ZBTB20: variants seen among roughly 807,000 people sequenced by gnomAD.
ZBTB20 encodes the protein zinc finger and BTB domain-containing protein 20.
ZBTB20 carries 9 observed loss-of-function variants against 56.9 expected under a neutral mutation model. The observed-to-expected ratio is 0.16, with a 90% confidence interval of 0.10 to 0.28. The LOEUF (loss-of-function observed/expected upper bound fraction) is 0.28. Ranked by LOEUF, ZBTB20 falls within the 10% of genes least tolerant of loss-of-function variation. ZBTB20 has a pLI of 1.00. For missense variants in ZBTB20, 655 were observed against 1,003.0 expected (o/e 0.65, Z 4.69); for synonymous variants, 417 against 420.7 (o/e 0.99, Z 0.11).
At chr3:114,898,699 C>T (rs1011710719) in intron 4 of ZBTB20, among the ~76,000 whole-genome samples, 1 of 152,114 alleles carries the variant, frequency 6.6e-6, no homozygotes, top group South Asian at 2.1e-4. Flanking sequence ...GTGTTTCCTA[C>T]TTCCAAAGAG....
At chr3:114,343,313 A>AT (rs909188691) in intron 11 of ZBTB20, among the ~76,000 whole-genome samples, 50 of 152,184 alleles carry the variant, frequency 3.3e-4, no homozygotes, top group Admixed American at 1.1e-3. Context: ...TATTCTACTG[A>AT]TTTTTTTCCC....
At chr3:114,733,880 A>C (rs2065939242) in intron 5 of ZBTB20, among the ~76,000 whole-genome samples, 1 of 152,144 alleles carries the variant, frequency 6.6e-6, no homozygotes, top group African/African-American at 2.4e-5. Flanking sequence ...GTCTATGTAC[A>C]ATACGGAATT....
chr3:115,145,853 TTTA>T (rs1215771174), intron 1 of ZBTB20, among the ~76,000 whole-genome samples: 11 of 152,322 alleles, frequency 7.2e-5, no homozygotes, highest in African/African-American at 2.4e-4. Flanking sequence ...GTAATTGTGT[TTTA>T]AAACTTTCAA....
intron 6 of ZBTB20, among the ~76,000 whole-genome samples, chr3:114,550,049 T>TGCCTCA (rs1404795932): frequency 1.3e-5 from 2 of 152,164 alleles, no homozygotes; most frequent in Non-Finnish European, 2.9e-5. Flanking sequence ...GCCATTCTCC[T>TGCCTCA]GCCTCAGCCT....
chr3:114,844,538 A>AAAAAC (rs1458746546), intron 4 of ZBTB20, among the ~76,000 whole-genome samples: 4 of 137,870 alleles, frequency 2.9e-5, no homozygotes, highest in African/African-American at 5.3e-5. Flanking sequence ...AAAAAAAAAA[A>AAAAAC]AAAAAAAAAA....
intron 3 of ZBTB20, among the ~76,000 whole-genome samples, chr3:114,962,111 C>G (rs981019189): frequency 3.3e-5 from 5 of 152,074 alleles, no homozygotes; most frequent in Non-Finnish European, 7.4e-5. Flanking sequence ...TCCACTTCCA[C>G]TACAAAAATG....
intron 11 of ZBTB20, among the ~76,000 whole-genome samples, chr3:114,340,021 C>T (rs1367698677): frequency 6.6e-6 from 1 of 152,160 alleles, no homozygotes; most frequent in Non-Finnish European, 1.5e-5. Context: ...GCTATACTTT[C>T]AAGTTTATCT....
At chr3:114,640,409 G>A (rs543792978) in intron 6 of ZBTB20, among the ~76,000 whole-genome samples, 4 of 152,164 alleles carry the variant, frequency 2.6e-5, no homozygotes, top group South Asian at 2.1e-4. Flanking sequence ...TGCTTATAGC[G>A]CTTAAGAACC....
chr3:114,631,382 C>CTTTTTA (rs2058933718), intron 6 of ZBTB20, among the ~76,000 whole-genome samples: 1 of 49,810 alleles, frequency 2.0e-5, no homozygotes, highest in Non-Finnish European at 3.4e-5. Context: ...ATAGGTTATT[C>CTTTTTA]TTTTTTTTTT....
intron 7 of ZBTB20, among the ~76,000 whole-genome samples, chr3:114,461,684 G>C (rs923218732): frequency 6.6e-6 from 1 of 152,206 alleles, no homozygotes; most frequent in African/African-American, 2.4e-5. Context: ...ATAGGATAGT[G>C]CTCCTAAAAG....
chr3:114,571,975 T>C (rs1039371399), intron 6 of ZBTB20, among the ~76,000 whole-genome samples: 6 of 152,178 alleles, frequency 3.9e-5, no homozygotes, highest in Non-Finnish European at 7.4e-5. Context: ...CAACTACTTG[T>C]CCTGGGAGGC....
chr3:114,769,832 G>A (rs137971448), intron 5 of ZBTB20, among the ~76,000 whole-genome samples: 9,017 of 152,054 alleles, frequency 0.059, 296 homozygotes, highest in Middle Eastern at 0.13. Context: ...GACGAGGTGG[G>A]TGGATCACTT....
At position 114,925,224 on chromosome 3, in the gene ZBTB20, C is replaced by T. The variant is rs531288703; in HGVS notation, c.-455-24882G>A. 5.3e-5 allele frequency among the ~76,000 whole-genome samples: 8 copies of T among 151,792 alleles called. No homozygotes were observed. The South Asian group carries it at 6.3e-4, about 12-fold the overall frequency. On this transcript the variant is annotated intron_variant, in intron 3 of 11. Coordinates refer to ENST00000675478, the MANE Select transcript of ZBTB20 (RefSeq NM_001348800.3). ...GTCTCGATCTCTTGACCCTGTGATC[C>T]GCCCCCTCAGCCTCCCAAAGTGCTG...
At chr3:114,943,237 C>A (rs1191576388) in intron 3 of ZBTB20, among the ~76,000 whole-genome samples, 1 of 145,260 alleles carries the variant, frequency 6.9e-6, no homozygotes, top group Non-Finnish European at 1.5e-5. Flanking sequence ...TTGTCTTAAT[C>A]CCTGATAAGA....
At chr3:115,124,205 T>C (rs2084260420) in intron 1 of ZBTB20, among the ~76,000 whole-genome samples, 1 of 152,208 alleles carries the variant, frequency 6.6e-6, no homozygotes, top group African/African-American at 2.4e-5. Context: ...ATAGTATATG[T>C]TTTATGCTTT....
At position 114,539,752 on chromosome 3, in the gene ZBTB20, C is replaced by A. The variant is rs145746589; in HGVS notation, c.-294-39361G>T. ...CTATACCCACCCTTCCAGTTCCCCA[C>A]TGCCCTCATTAGACTCTGAGCTGCT... is the stretch of plus-strand genomic sequence containing the variant. On this transcript the variant is annotated intron_variant, in intron 6 of 11. Coordinates refer to ENST00000675478, the MANE Select transcript of ZBTB20 (RefSeq NM_001348800.3). 5.3e-5 allele frequency among the ~76,000 whole-genome samples: 8 copies of A among 152,198 alleles called. No homozygotes were observed. In the East Asian group the frequency reaches 1.5e-3, roughly 29 times the overall value.
At chr3:114,734,926 TTGGGATG>T in intron 5 of ZBTB20, among the ~76,000 whole-genome samples, 1 of 151,966 alleles carries the variant, frequency 6.6e-6, no homozygotes, top group East Asian at 1.9e-4. Context: ...ACGCACATCT[TTGGGATG>T]TGGGAGAAAA....
intron 1 of ZBTB20, among the ~76,000 whole-genome samples, chr3:115,143,949 TCTC>T (rs1215797595): frequency 6.6e-6 from 1 of 152,124 alleles, no homozygotes; most frequent in Non-Finnish European, 1.5e-5. Context: ...CATTAAAAAA[TCTC>T]CTCCCCTAAC....
At position 114,930,790 on chromosome 3, in the gene ZBTB20, AG is replaced by A. The variant is rs1473732309; in HGVS notation, c.-455-30449del. 14 of 297,364 alleles carry A rather than the reference AG, an allele frequency of 4.7e-5. No individual in the cohort carries two copies. The East Asian group carries it at 1.2e-3, about 26-fold the overall frequency. The allele number at this position is 297,364 out of a possible 1,614,324, so 18.4% of individuals were successfully genotyped here. Reference sequence around the variant, plus strand: ...GAATACCATACAGAAGAGTAACCCCAGGAAGTACCTTAGCAGTGTAGGACAC... The same window carrying A: ...GAATACCATACAGAAGAGTAACCCCAGAAGTACCTTAGCAGTGTAGGACAC... On this transcript the variant is annotated intron_variant, in intron 3 of 11. Transcript: ENST00000675478.
Sources: gnomAD v4.1 joint callset for allele counts (sites outside exome capture counted in the v4.1 genomes callset) on GRCh38, gnomAD v4.1.1 for gene constraint, MANE v1.5 for transcripts, NCBI Gene and HGNC (gene_info 2026-07-23, HGNC 2026-07-21) for gene names.